The following GALNT10 variants were observed in gnomAD, a reference collection of about 807,000 sequenced individuals.
GALNT10 encodes the protein GalNAc transferase 10.
Under a neutral mutation model 75.0 loss-of-function variants are expected in GALNT10, and 41 were observed. The observed-to-expected ratio is 0.55, with a 90% CI of 0.43 to 0.71. The LOEUF is 0.71. GALNT10 is among the 30% of genes least tolerant of loss of function. GALNT10 has a pLI of 0.00. For missense variants in GALNT10, 727 were observed against 818.5 expected (o/e 0.89, Z 1.36); for synonymous variants, 302 against 313.0 (o/e 0.96, Z 0.37).
At chr5:154,292,651 T>C (rs932952418) in intron 1 of GALNT10, among the ~76,000 whole-genome samples, 9 of 152,218 alleles carry the variant, frequency 5.9e-5, no homozygotes, top group African/African-American at 2.2e-4. Context: ...TATAGGGAAG[T>C]GGTCCTAGCT....
chr5:154,292,944 CTG>C (rs971301980), intron 1 of GALNT10, among the ~76,000 whole-genome samples: 5 of 152,002 alleles, frequency 3.3e-5, no homozygotes, highest in Admixed American at 3.3e-4. Context: ...ATGCTGAGAA[CTG>C]TTGAAAGCAT....
intron 1 of GALNT10, among the ~76,000 whole-genome samples, chr5:154,278,448 C>T (rs1285425432): frequency 1.3e-5 from 2 of 152,078 alleles, no homozygotes; most frequent in Non-Finnish European, 2.9e-5. Flanking sequence ...CTTTAATATG[C>T]TAATATACTT....
intron 3 of GALNT10, among the ~76,000 whole-genome samples, chr5:154,311,901 C>T (rs745542445): frequency 3.3e-5 from 5 of 152,238 alleles, no homozygotes; most frequent in Admixed American, 3.3e-4. Flanking sequence ...CATGAGCCAC[C>T]GTACCCGGTG....
At chr5:154,367,899 A>G (rs185871139) in intron 4 of GALNT10, among the ~76,000 whole-genome samples, 269 of 152,154 alleles carry the variant, frequency 1.8e-3, no homozygotes, top group African/African-American at 5.7e-3. Context: ...CAAAAAAAAC[A>G]AAAAGAAGAA....
chr5:154,198,495 G>C (rs1297068049), intron 1 of GALNT10, among the ~76,000 whole-genome samples: 1 of 152,236 alleles, frequency 6.6e-6, no homozygotes. Flanking sequence ...GCAATTCGAA[G>C]ATAAGTGGTT....
chr5:154,386,770 G>A (rs1226894472), intron 7 of GALNT10: 1 of 504,122 alleles, frequency 2.0e-6, no homozygotes, highest in African/African-American at 2.0e-5. Context: ...ATAAGCAGTG[G>A]GCCAGAGAAG....
intron 3 of GALNT10, among the ~76,000 whole-genome samples, chr5:154,315,174 G>A (rs1182877913): frequency 2.0e-5 from 3 of 152,208 alleles, no homozygotes; most frequent in African/African-American, 7.2e-5. Context: ...ACTTTTGGAT[G>A]CTTACTCTTG....
At chr5:154,392,367 T>A (rs906562786) in intron 7 of GALNT10, 5 of 152,162 alleles carry the variant, frequency 3.3e-5, no homozygotes, top group Non-Finnish European at 7.3e-5. Flanking sequence ...TAAGTGTTAG[T>A]GTGTTAGTGG....
At position 154,329,790 on chromosome 5, in the gene GALNT10, C is replaced by T. The variant is rs750904433; in HGVS notation, c.568+52C>T. On this transcript the variant is annotated intron_variant, in intron 4 of 11. Coordinates refer to ENST00000297107, the MANE Select transcript of GALNT10 (RefSeq NM_198321.4). ...ACCCTCTGTGCTTCATCTGGCGACT[C>T]ACCAAAGGGATGGCAGGTTTTCCCT... 8.9e-6 allele frequency: 12 copies of T among 1,355,198 alleles called. No individual in the cohort carries two copies. The Admixed American group carries it at 1.9e-4, about 22-fold the overall frequency. 83.9% of individuals were successfully genotyped at this position (1,355,198 alleles called of 1,614,324 possible).
chr5:154,289,987 T>C (rs1248902039), intron 1 of GALNT10, among the ~76,000 whole-genome samples: 1 of 152,198 alleles, frequency 6.6e-6, no homozygotes, highest in Non-Finnish European at 1.5e-5. Flanking sequence ...AGAAATTCCA[T>C]GGATTGTCCT....
At chr5:154,408,386 AGT>A (rs768130568) in intron 8 of GALNT10, among the ~76,000 whole-genome samples, 3 of 152,158 alleles carry the variant, frequency 2.0e-5, no homozygotes, top group Non-Finnish European at 4.4e-5. Context: ...AAAACCGAAG[AGT>A]TAAAATTGGG....
At chr5:154,295,835 G>A (rs1465248176) in intron 2 of GALNT10, among the ~76,000 whole-genome samples, 2 of 152,188 alleles carry the variant, frequency 1.3e-5, no homozygotes, top group Admixed American at 6.5e-5. Flanking sequence ...AAAGCAATGA[G>A]TATGTAGTAG....
At chr5:154,260,648 A>G (rs1002700980) in intron 1 of GALNT10, among the ~76,000 whole-genome samples, 1 of 152,228 alleles carries the variant, frequency 6.6e-6, no homozygotes, top group Non-Finnish European at 1.5e-5. Flanking sequence ...GAATTCAGAG[A>G]CAGGAAATAA....
chr5:154,247,743 T>C (rs1342978798), intron 1 of GALNT10, among the ~76,000 whole-genome samples: 3 of 152,222 alleles, frequency 2.0e-5, no homozygotes, highest in South Asian at 2.1e-4. Flanking sequence ...AGATATACAA[T>C]TGTGTCATCT....
intron 1 of GALNT10, among the ~76,000 whole-genome samples, chr5:154,259,877 T>C (rs555392794): frequency 7.9e-5 from 12 of 152,348 alleles, no homozygotes; most frequent in Non-Finnish European, 1.5e-4. Flanking sequence ...AGCAAACATG[T>C]ATTTAGCACC....
chr5:154,364,198 G>A (rs1755440093), intron 4 of GALNT10, among the ~76,000 whole-genome samples: 1 of 152,228 alleles, frequency 6.6e-6, no homozygotes, highest in Admixed American at 6.5e-5. Context: ...AAGGAAATTA[G>A]TCGAGCAGTG....
intron 8 of GALNT10, among the ~76,000 whole-genome samples, chr5:154,405,082 C>T (rs911396088): frequency 6.6e-6 from 1 of 152,196 alleles, no homozygotes; most frequent in Non-Finnish European, 1.5e-5. Flanking sequence ...AAAGGACCCC[C>T]GCACAGCTTT....
At chr5:154,349,658 G>A (rs1390081498) in intron 4 of GALNT10, 1 of 152,090 alleles carries the variant, frequency 6.6e-6, no homozygotes, top group Non-Finnish European at 1.5e-5. Flanking sequence ...GTGCTGATCA[G>A]TAGTGGGATT....
intron 1 of GALNT10, 22 bp downstream of exon 1, chr5:154,191,047 G>C: frequency 7.2e-7 from 1 of 1,386,686 alleles, no homozygotes; most frequent in Non-Finnish European, 9.5e-7. Flanking sequence ...CGTTGCTACA[G>C]GCCGGGAACA....
Sources: allele counts gnomAD v4.1 joint callset (sites outside exome capture counted in the v4.1 genomes callset), GRCh38; gene constraint gnomAD v4.1.1; transcripts MANE v1.5; gene names NCBI Gene and HGNC (gene_info 2026-07-23, HGNC 2026-07-21).